The following CCDC66 variants were observed in gnomAD, a reference collection of about 807,000 sequenced individuals.
The protein encoded by CCDC66 is coiled-coil domain containing 66.
A neutral mutation model predicts 128.3 loss-of-function variants in CCDC66; 133 were observed. The observed-to-expected ratio is 1.04, with a 90% confidence interval of 0.90 to 1.20. The LOEUF is 1.20. CCDC66 is among the 50% of genes most tolerant of loss of function. The pLI is 0.00. For missense variants in CCDC66, 1,126 were observed against 1,075.5 expected (o/e 1.05, Z -0.66); for synonymous variants, 387 against 357.0 (o/e 1.08, Z -0.95).
Position 56,571,270 on chromosome 3 carries a change from T to C in CCDC66, c.904T>C (p.Trp302Arg), listed in dbSNP as rs755810049. The C allele has an allele frequency of 2.1e-5, 33 of 1,541,794 alleles. No individual in the cohort carries two copies. Among genetic ancestry groups the C allele is most frequent in the Middle Eastern group, 1.7e-4 (1 of 5,928 alleles). ...WKKSESDKIIWEKHQILDQSR... is the reference protein window; with the variant it reads ...WKKSESDKIIREKHQILDQSR... ...AAAATCTGAAAGTGATAAAATAATA[T>C]GGGAAAAACATCAAATTCTTGACCA... The change falls in exon 7 of 18, where the codon TGG becomes CGG. Residue 302 changes from tryptophan (W) to arginine (R), a missense_variant. Physicochemically the swap from Trp to Arg is moderately radical, Grantham distance 101. Coordinates refer to ENST00000394672, the MANE Select transcript of CCDC66 (RefSeq NM_001141947.3).
intron 7 of CCDC66, among the ~76,000 whole-genome samples, chr3:56,591,645 A>G (rs2070917190): frequency 6.6e-6 from 1 of 152,228 alleles, no homozygotes; most frequent in Non-Finnish European, 1.5e-5. Context: ...AGGTATAAAA[A>G]TTGTTAAATC....
At chr3:56,570,478 C>T (rs12715490) in intron 6 of CCDC66, 53,169 of 152,400 alleles carry the variant, frequency 0.35, 9,960 homozygotes, top group East Asian at 0.49. Context: ...TGGCCAACTG[C>T]GGTGGGCTCA....
intron 17 of CCDC66, 43 bp from the exon 18 acceptor site, chr3:56,621,489 G>A (rs200563279): frequency 1.3e-4 from 153 of 1,185,660 alleles, no homozygotes; most frequent in Middle Eastern, 7.9e-4. Context: ...TGCAAGTCAG[G>A]TGTGCACATT....
At chr3:56,587,443 T>G (rs905452091) in intron 7 of CCDC66, among the ~76,000 whole-genome samples, 1 of 151,718 alleles carries the variant, frequency 6.6e-6, no homozygotes, top group Non-Finnish European at 1.5e-5. Context: ...GAGCTTTCAG[T>G]CATGGTGGAA....
rs926783049 is a variant in CCDC66 at position 56,594,602 on chromosome 3, G to C, written c.1404+574G>C. ...GGAGGCTGAGGTGGGAGAATGGCAT[G>C]AACCTGGGAGGCAGAGCTTGCAGTG... On this transcript the variant is annotated intron_variant, in intron 10 of 17. Transcript: ENST00000394672. Among the ~76,000 whole-genome samples, 3 of 151,840 alleles carry C rather than the reference G, an allele frequency of 2.0e-5. No individual in the cohort carries two copies. In the South Asian group the frequency reaches 6.3e-4, roughly 32 times the overall value.
chr3:56,585,737 A>T (rs1436596531), intron 7 of CCDC66, among the ~76,000 whole-genome samples: 3 of 151,892 alleles, frequency 2.0e-5, no homozygotes, highest in Non-Finnish European at 2.9e-5. Context: ...AAAATATTTA[A>T]TGCCTAGACA....
intron 7 of CCDC66, among the ~76,000 whole-genome samples, chr3:56,577,758 G>C (rs2067630911): frequency 6.6e-6 from 1 of 151,758 alleles, no homozygotes; most frequent in African/African-American, 2.4e-5. Flanking sequence ...TGAGGCCTCT[G>C]TTCTGTTCCA....
At chr3:56,599,055 C>A (rs545875135) in intron 10 of CCDC66, among the ~76,000 whole-genome samples, 1 of 151,956 alleles carries the variant, frequency 6.6e-6, no homozygotes, top group South Asian at 2.1e-4. Flanking sequence ...CTGGACTTTC[C>A]TTTGTTGGGA....
chr3:56,609,724 A>G (rs2074540490), intron 10 of CCDC66, among the ~76,000 whole-genome samples: 1 of 152,142 alleles, frequency 6.6e-6, no homozygotes, highest in Admixed American at 6.5e-5. Flanking sequence ...TTCTGTTTTG[A>G]TGTGTTTCCA....
intron 17 of CCDC66, chr3:56,621,151 T>C: frequency 7.1e-6 from 1 of 141,220 alleles, no homozygotes; most frequent in Non-Finnish European, 1.5e-5. Context: ...AGAGCGAGAC[T>C]CCATCTCCAA....
At chr3:56,590,557 AG>A (rs2070697111) in intron 7 of CCDC66, among the ~76,000 whole-genome samples, 1 of 152,028 alleles carries the variant, frequency 6.6e-6, no homozygotes, top group African/African-American at 2.4e-5. Flanking sequence ...CAGGAGTTCA[AG>A]GCCATCCTGG....
At chr3:56,601,899 A>G (rs1386304076) in intron 10 of CCDC66, among the ~76,000 whole-genome samples, 1 of 152,128 alleles carries the variant, frequency 6.6e-6, no homozygotes, top group Non-Finnish European at 1.5e-5. Flanking sequence ...TAAATATACA[A>G]TCATGTCATC....
chr3:56,621,090 G>A (rs1295378230), intron 17 of CCDC66: 2 of 152,228 alleles, frequency 1.3e-5, no homozygotes, highest in African/African-American at 4.8e-5. Flanking sequence ...TGTGAACCTG[G>A]GAGGCAGAGC....
rs1235102845 is a variant in CCDC66, at chr3:56,559,593, A to G, written c.101A>G (p.Lys34Arg). 14 of 1,535,256 alleles carry G rather than the reference A, an allele frequency of 9.1e-6. No homozygotes were observed. The highest frequency in any genetic ancestry group is 1.1e-5 in the Non-Finnish European group (12 of 1,139,806). Reference protein sequence around the residue: ...PYEHKSKISVKMGNKAKIAKC... With the variant: ...PYEHKSKISVRMGNKAKIAKC... ...GAACATAAATCAAAAATTTCTGTGA[A>G]GGTAAGCCGTATAACTTTGACCTGA... The change falls in exon 3 of 18, where the codon AAG (lysine) becomes AGG (arginine). Residue 34 changes from lysine (K) to arginine (R), a missense_variant and splice_region_variant. Physicochemically the swap from Lys to Arg is conservative, Grantham distance 26 (BLOSUM62 2). Transcript: ENST00000394672.
At chr3:56,610,813 G>A (rs282532) in intron 10 of CCDC66, among the ~76,000 whole-genome samples, 111,369 of 152,030 alleles carry the variant, frequency 0.73, 41,614 homozygotes, top group Non-Finnish European at 0.81. Flanking sequence ...CTTCCTGTGA[G>A]CCTAACTGCA....
chr3:56,590,564 C>T (rs1467653215), intron 7 of CCDC66, among the ~76,000 whole-genome samples: 1 of 151,822 alleles, frequency 6.6e-6, no homozygotes, highest in Non-Finnish European at 1.5e-5. Flanking sequence ...TCAAGGCCAT[C>T]CTGGGCAACA....
chr3:56,567,793 C>T (rs1029765843), intron 6 of CCDC66, among the ~76,000 whole-genome samples: 12 of 152,132 alleles, frequency 7.9e-5, no homozygotes, highest in African/African-American at 2.2e-4. Context: ...CCCGGGTTCA[C>T]GCCATTCTGC....
Position 56,615,209 on chromosome 3 carries a change from C to T in CCDC66, c.1648C>T (p.Gln550Ter). 1 of 1,613,924 alleles carries T rather than the reference C, an allele frequency of 6.2e-7. No homozygotes were observed. Among genetic ancestry groups the T allele is most frequent in the Non-Finnish European group, 8.5e-7 (1 of 1,179,930 alleles). The stretch of plus-strand genomic sequence containing the variant: ...ACTGGCACAGAGACTAAAACAAGAA[C>T]AAAGAATCCGAGAATTGGCGCAAAA... ...QELAQRLKQEQRIRELAQKGH... is the reference protein window; with the variant it reads ...QELAQRLKQE Residue 550 changes from glutamine to a stop codon, truncating the protein, a stop_gained, in exon 12 of 18, where the codon CAA (glutamine) becomes TAA (stop). Coordinates refer to ENST00000394672, the MANE Select transcript of CCDC66 (RefSeq NM_001141947.3). LOFTEE classifies it high-confidence loss of function.
Position 56,557,218 on chromosome 3 carries a change from T to G in CCDC66, c.-25T>G. ...ACGTACACAAGGGGCTTGAGCGTTC[T>G]GTGGAGAGAGTGCGAGGTCAGGCCA... is the stretch of plus-strand genomic sequence containing the variant. On this transcript the variant is annotated 5_prime_UTR_variant, in exon 1 of 18. Coordinates refer to ENST00000394672, the MANE Select transcript of CCDC66 (RefSeq NM_001141947.3). 1 of 1,550,740 alleles carries G rather than the reference T, an allele frequency of 6.4e-7. No individual in the cohort carries two copies. The highest frequency in any genetic ancestry group is 1.4e-5 in the African/African-American group (1 of 72,936).
Sources: gnomAD v4.1 joint callset for allele counts (sites outside exome capture counted in the v4.1 genomes callset) on GRCh38, gnomAD v4.1.1 for gene constraint, MANE v1.5 for transcripts, NCBI Gene and HGNC (gene_info 2026-07-23, HGNC 2026-07-21) for gene names.